EPM2A: variants seen among roughly 807,000 people sequenced by gnomAD.
EPM2A encodes the protein EPM2A glucan phosphatase, laforin.
In EPM2A, 21 loss-of-function variants were observed where a neutral mutation model predicts 26.5. That is an observed-to-expected ratio of 0.79 (90% CI 0.56 to 1.14). EPM2A has a LOEUF of 1.14. EPM2A is among the 50% of genes most tolerant of loss of function. The pLI is 0.00. For synonymous variants in EPM2A, 217 were observed against 177.6 expected (o/e 1.22, Z -1.76); for missense variants, 458 against 440.8 (o/e 1.04, Z -0.35).
intron 2 of EPM2A, among the ~76,000 whole-genome samples, chr6:145,538,602 A>G (rs544939775): frequency 6.6e-6 from 1 of 152,374 alleles, no homozygotes; most frequent in African/African-American, 2.4e-5. Context: ...TGACAAAGGC[A>G]CAGGCCAACA....
chr6:145,471,491 C>A (rs1319743716), intron 4 of EPM2A, among the ~76,000 whole-genome samples: 12 of 152,224 alleles, frequency 7.9e-5, no homozygotes, highest in African/African-American at 2.4e-4. Context: ...CACTTCATAT[C>A]TCTGAGAGAG....
chr6:145,685,454 G>A lies in EPM2A; in HGVS notation c.476+668C>T, dbSNP rs1038314600. On this transcript the variant is annotated intron_variant, in intron 2 of 3. Coordinates refer to ENST00000367519, the MANE Select transcript of EPM2A (RefSeq NM_005670.4). The stretch of plus-strand genomic sequence containing the variant: ...ATGTCAATTTCTTATGTGTAATAGA[G>A]GGGAATCAATAGCTATTTTTAAACT... 3.9e-5 allele frequency among the ~76,000 whole-genome samples: 6 copies of A among 152,200 alleles called. No homozygotes were observed. In the East Asian group the frequency reaches 1.2e-3, roughly 29 times the overall value.
In EPM2A at chr6:145,454,670, A is replaced by G. The variant is rs75233292; in HGVS notation, c.555+47852T>C. 3.1e-3 allele frequency among the ~76,000 whole-genome samples: 473 copies of G among 152,306 alleles called. 10 individuals are homozygous for G. The East Asian group carries it at 0.054, about 17-fold the overall frequency. On this transcript the variant is annotated intron_variant, in intron 4 of 4. Coordinates refer to the EPM2A transcript ENST00000638717. ...GAAAAATTCTTCTTTGATTTTCTAT[A>G]ATCCCAAACTAGCCCTTGCAGTGGG... is the stretch of plus-strand genomic sequence containing the variant.
At chr6:145,604,725 C>T (rs906788439) in intron 2 of EPM2A, among the ~76,000 whole-genome samples, 7 of 152,188 alleles carry the variant, frequency 4.6e-5, no homozygotes, top group African/African-American at 1.4e-4. Flanking sequence ...AATAGTTAAT[C>T]GGAATCTTTC....
intron 1 of EPM2A, among the ~76,000 whole-genome samples, chr6:145,688,043 TAA>T (rs2128616139): frequency 6.6e-6 from 1 of 152,248 alleles, no homozygotes; most frequent in South Asian, 2.1e-4. Flanking sequence ...GTAAACCATA[TAA>T]GTTTTTTTTC....
At chr6:145,444,312 A>C (rs1329689886) in intron 4 of EPM2A, among the ~76,000 whole-genome samples, 2 of 152,156 alleles carry the variant, frequency 1.3e-5, no homozygotes, top group African/African-American at 4.8e-5. Context: ...AATGTAAAGG[A>C]ACGTTGAATT....
At chr6:145,475,117 G>A (rs1187822234) in intron 4 of EPM2A, among the ~76,000 whole-genome samples, 1 of 152,108 alleles carries the variant, frequency 6.6e-6, no homozygotes, top group Admixed American at 6.6e-5. Context: ...TCCCATTACT[G>A]GGTATATACC....
At chr6:145,441,734 T>C (rs972562033) in intron 4 of EPM2A, among the ~76,000 whole-genome samples, 5 of 151,972 alleles carry the variant, frequency 3.3e-5, no homozygotes, top group Non-Finnish European at 7.4e-5. Context: ...TGGTGGTGCA[T>C]GCCTGTAGTC....
At chr6:145,536,508 G>T (rs1780434302) in intron 2 of EPM2A, among the ~76,000 whole-genome samples, 1 of 152,012 alleles carries the variant, frequency 6.6e-6, no homozygotes, top group African/African-American at 2.4e-5. Context: ...TGCTGGTCAG[G>T]TTGGTCTCGA....
chr6:145,518,936 G>T (rs1780167792), intron 2 of EPM2A, among the ~76,000 whole-genome samples: 1 of 119,176 alleles, frequency 8.4e-6, no homozygotes, highest in Admixed American at 8.1e-5. Flanking sequence ...GAAAGGTGGA[G>T]AAGCAGTGAG....
intron 4 of EPM2A, among the ~76,000 whole-genome samples, chr6:145,470,769 T>A (rs1056696969): frequency 1.3e-5 from 2 of 152,178 alleles, no homozygotes; most frequent in Non-Finnish European, 2.9e-5. Context: ...AGTCCTAATT[T>A]ACTAATAGTC....
chr6:145,534,576 A>G (rs1431611843), intron 2 of EPM2A, among the ~76,000 whole-genome samples: 2 of 152,226 alleles, frequency 1.3e-5, no homozygotes, highest in African/African-American at 4.8e-5. Context: ...ATGCAATGAA[A>G]GGTTCAGTCA....
intron 4 of EPM2A, among the ~76,000 whole-genome samples, chr6:145,481,969 T>C (rs575353995): frequency 6.6e-6 from 1 of 152,254 alleles, no homozygotes; most frequent in South Asian, 2.1e-4. Context: ...TACAAATGCT[T>C]AGAAGCAAAT....
At chr6:145,425,279 T>C (rs1011059743) in intron 4 of EPM2A, among the ~76,000 whole-genome samples, 1 of 152,068 alleles carries the variant, frequency 6.6e-6, no homozygotes, top group Non-Finnish European at 1.5e-5. Context: ...GTTCAAGCGA[T>C]TCTCCCACCT....
chr6:145,499,406 C>T (rs116119818), downstream of EPM2A, among the ~76,000 whole-genome samples: 399 of 152,230 alleles, frequency 2.6e-3, 6 homozygotes, highest in African/African-American at 9.2e-3. Flanking sequence ...TGAAGGAATC[C>T]TCCTTGTACT....
intron 2 of EPM2A, among the ~76,000 whole-genome samples, chr6:145,657,953 T>C (rs1778415767): frequency 6.6e-6 from 1 of 152,230 alleles, no homozygotes; most frequent in African/African-American, 2.4e-5. Context: ...GTCAGCTTAG[T>C]ATATCATAAG....
intron 2 of EPM2A, among the ~76,000 whole-genome samples, chr6:145,597,220 T>C (rs1781358377): frequency 6.6e-6 from 1 of 152,178 alleles, no homozygotes; most frequent in South Asian, 2.1e-4. Context: ...CCTTCTTCAT[T>C]CTGGTTTATT....
chr6:145,704,359 G>A (rs1782097937), intron 1 of EPM2A, among the ~76,000 whole-genome samples: 1 of 152,082 alleles, frequency 6.6e-6, no homozygotes, highest in Non-Finnish European at 1.5e-5. Flanking sequence ...ACAGTAGAGT[G>A]CAAGTGAAAT....
At chr6:145,486,868 G>A (rs374612291) in intron 4 of EPM2A, among the ~76,000 whole-genome samples, 9 of 151,976 alleles carry the variant, frequency 5.9e-5, no homozygotes, top group East Asian at 3.9e-4. Context: ...TCAGGGGTAC[G>A]TGTACAGGAT....
Sources: gnomAD v4.1 joint callset for allele counts (sites outside exome capture counted in the v4.1 genomes callset) on GRCh38, gnomAD v4.1.1 for gene constraint, MANE v1.5 for transcripts, NCBI Gene and HGNC (gene_info 2026-07-23, HGNC 2026-07-21) for gene names.